DDI2: variants seen among roughly 807,000 people sequenced by gnomAD.
DDI2 encodes protein DDI1 homolog 2.
A neutral mutation model predicts 48.1 loss-of-function variants in DDI2; 5 were observed. The ratio of observed to expected loss-of-function variants is 0.10; its 90% CI spans 0.05 to 0.22. The LOEUF is 0.22. DDI2 is among the 10% of genes least tolerant of loss of function. DDI2 has a pLI of 1.00. For missense variants in DDI2, 285 were observed against 506.2 expected, an observed-to-expected ratio of 0.56 and a Z score of 4.19; for synonymous variants, 205 against 183.6, an observed-to-expected ratio of 1.12 and a Z score of -0.94.
intron 1 of DDI2, among the ~76,000 whole-genome samples, chr1:15,620,684 A>T (rs1639645259): frequency 6.6e-6 from 1 of 152,170 alleles, no homozygotes; most frequent in South Asian, 2.1e-4. Flanking sequence ...TGCTTCTGTT[A>T]TGTATATAAT....
At position 15,660,496 on chromosome 1, in the gene DDI2, G is replaced by A. The variant is rs1210344769; in HGVS notation, c.*706G>A. ...AAGGCAACAGAATCAACACAAAATT[G>A]TTGATTTGGAAGCTACGATGAAAGG... On this transcript the variant is annotated 3_prime_UTR_variant, in exon 10 of 10. Transcript: ENST00000480945. 3.7e-6 allele frequency: 6 copies of A among 1,613,882 alleles called. No homozygotes were observed. In the Admixed American group the frequency reaches 1.0e-4, roughly 27 times the overall value.
At chr1:15,653,596 G>T (rs1456539199) in intron 8 of DDI2, among the ~76,000 whole-genome samples, 1 of 151,938 alleles carries the variant, frequency 6.6e-6, no homozygotes, top group Non-Finnish European at 1.5e-5. Context: ...CTGTCACCCA[G>T]ACTGATCCTC....
At chr1:15,626,541 T>C in intron 1 of DDI2, 128 bp from the exon 2 acceptor site, 1 of 1,319,310 alleles carries the variant, frequency 7.6e-7, no homozygotes, top group South Asian at 1.4e-5. Flanking sequence ...TTGTTCTGGA[T>C]GTGGTGGGAA....
chr1:15,617,655 G>GAGCC lies in DDI2; in HGVS notation c.-16_-15insAGCC. On this transcript the variant is annotated 5_prime_UTR_variant, in exon 1 of 10. Coordinates refer to ENST00000480945, the MANE Select transcript of DDI2 (RefSeq NM_032341.5). ...AGGCCGGGCCGAGCCGAGCCGAGCC[G>GAGCC]GGTCGGGCCCGGGCCATGCTGCTCA... is the stretch of plus-strand genomic sequence containing the variant. 3.5e-6 allele frequency: 5 copies of GAGCC among 1,420,460 alleles called. No individual in the cohort carries two copies. Among genetic ancestry groups the GAGCC allele is most frequent in the Non-Finnish European group, 4.7e-6 (5 of 1,074,290 alleles). The allele number at this position is 1,420,460 out of a possible 1,614,324, so 88.0% of individuals were successfully genotyped here.
At chr1:15,651,995 G>T in intron 8 of DDI2, 100 bp downstream of exon 8, 1 of 1,146,616 alleles carries the variant, frequency 8.7e-7, no homozygotes, top group Non-Finnish European at 1.2e-6. Flanking sequence ...TTTTTAATTA[G>T]TCTCATGGTC....
At chr1:15,659,557 A>T (rs1640326721) in intron 9 of DDI2, among the ~76,000 whole-genome samples, 1 of 152,208 alleles carries the variant, frequency 6.6e-6, no homozygotes, top group South Asian at 2.1e-4. Context: ...ATTCCTGAGC[A>T]CTAACCCCGC....
In DDI2 at chr1:15,632,148, G is replaced by C. The variant is rs541478983; in HGVS notation, c.506-1291G>C. On this transcript the variant is annotated intron_variant, in intron 3 of 9. Coordinates refer to ENST00000480945, the MANE Select transcript of DDI2 (RefSeq NM_032341.5). ...AACTTAATGCTTTTTAGATCCATCT[G>C]TATTGTGTGCATTAGTAGTTCAGAT... Among the ~76,000 whole-genome samples, 14 of 152,290 alleles carry C rather than the reference G, an allele frequency of 9.2e-5. 1 individual carries two copies. The South Asian group carries it at 2.9e-3, about 32-fold the overall frequency.
In DDI2 at chr1:15,668,898, A is replaced by C. The variant is rs961311591; in HGVS notation, c.*9108A>C. 5.3e-5 allele frequency: 8 copies of C among 152,222 alleles called. No homozygotes were observed. Among genetic ancestry groups the C allele is most frequent in the African/African-American group, 1.9e-4 (8 of 41,464 alleles). 9.4% of individuals were successfully genotyped at this position (152,222 alleles called of 1,614,324 possible). ...AGTGAGCTAGATGCATTTGGGTTTG[A>C]ATTTTTGTCACATACTGAAATGTAA... On this transcript the variant is annotated 3_prime_UTR_variant, in exon 10 of 10. Coordinates refer to ENST00000480945, the MANE Select transcript of DDI2 (RefSeq NM_032341.5).
rs569443049 is a variant in DDI2 at position 15,667,519 on chromosome 1, G to A, written c.*7729G>A. The A allele has an allele frequency of 3.2e-4, 48 of 152,296 alleles. No homozygotes were observed. Among genetic ancestry groups the A allele is most frequent in the African/African-American group, 1.1e-3 (44 of 41,560 alleles). 9.4% of individuals were successfully genotyped at this position (152,296 alleles called of 1,614,324 possible). A position where few individuals can be genotyped will look rare whatever the true frequency, so the allele number is the denominator to read the frequency against. Reference sequence around the variant, plus strand: ...TCTGGGCTAGCACGACTTAGCAGAGGGTTCTGCAGGATGTGCTATTTTAAA... The same window carrying A: ...TCTGGGCTAGCACGACTTAGCAGAGAGTTCTGCAGGATGTGCTATTTTAAA... On this transcript the variant is annotated 3_prime_UTR_variant, in exon 10 of 10. Coordinates refer to ENST00000480945, the MANE Select transcript of DDI2 (RefSeq NM_032341.5).
Position 15,667,818 on chromosome 1 carries a change from G to A in DDI2, c.*8028G>A, listed in dbSNP as rs1640478228. 6.6e-6 allele frequency: 1 copy of A among 152,222 alleles called. No homozygotes were observed. Among genetic ancestry groups the A allele is most frequent in the Non-Finnish European group, 1.5e-5 (1 of 68,048 alleles). The allele number at this position is 152,222 out of a possible 1,614,324, so 9.4% of individuals were successfully genotyped here. On this transcript the variant is annotated 3_prime_UTR_variant, in exon 10 of 10. Transcript: ENST00000480945. ...ATGTTCTCAAAGGTTTATCAGTTAT[G>A]TATTGATGATTGGTAATCTAGACCC...
intron 4 of DDI2, among the ~76,000 whole-genome samples, chr1:15,635,851 A>T (rs1381415761): frequency 6.6e-6 from 1 of 152,224 alleles, no homozygotes; most frequent in Non-Finnish European, 1.5e-5. Flanking sequence ...GATGAAGTAT[A>T]CAATTAATTT....
intron 6 of DDI2, among the ~76,000 whole-genome samples, chr1:15,648,187 G>C (rs1221415790): frequency 2.6e-5 from 4 of 152,144 alleles, no homozygotes; most frequent in Non-Finnish European, 4.4e-5. Context: ...AGTTTTGCAG[G>C]AATACCATAA....
At chr1:15,656,385 T>A in intron 8 of DDI2, 1 of 1,392,200 alleles carries the variant, frequency 7.2e-7, no homozygotes, top group South Asian at 1.6e-5. Flanking sequence ...ATTAATTTCT[T>A]TACAAGATCT....
chr1:15,634,539 C>CTTTTTTTTTTTTTTTTTTTTTTTTT lies in DDI2; in HGVS notation c.632+985_632+986insTTTTTTTTTTTTTTTTTTTTTTTTT, dbSNP rs370728497. Among the ~76,000 whole-genome samples the CTTTTTTTTTTTTTTTTTTTTTTTTT allele has an allele frequency of 7.2e-4, 72 of 100,128 alleles. 10 individuals are homozygous for CTTTTTTTTTTTTTTTTTTTTTTTTT. Among genetic ancestry groups the CTTTTTTTTTTTTTTTTTTTTTTTTT allele is most frequent in the African/African-American group, 1.5e-3 (33 of 22,176 alleles). 65.7% of individuals were successfully genotyped at this position (100,128 alleles called of 152,430 possible). A position where few individuals can be genotyped will look rare whatever the true frequency, so the allele number is the denominator to read the frequency against. ...TTTTTAAACTTCTTATTCTTTTTAT[C>CTTTTTTTTTTTTTTTTTTTTTTTTT]TTTTTTTTTTTGAGACAAGGTCTCA... On this transcript the variant is annotated intron_variant, in intron 4 of 9. Coordinates refer to ENST00000480945, the MANE Select transcript of DDI2 (RefSeq NM_032341.5).
In DDI2 at chr1:15,661,601, A is replaced by T; in HGVS notation, c.*1811A>T. The T allele has an allele frequency of 6.2e-7, 1 of 1,614,092 alleles. No homozygotes were observed. The highest frequency in any genetic ancestry group is 8.5e-7 in the Non-Finnish European group (1 of 1,180,032). On this transcript the variant is annotated 3_prime_UTR_variant, in exon 10 of 10. Coordinates refer to ENST00000480945, the MANE Select transcript of DDI2 (RefSeq NM_032341.5). ...TTGATTTTTCCTGCCACAGATATTG[A>T]CCGCATTCTCCGTGCTGGCTTTACT... is the stretch of plus-strand genomic sequence containing the variant.
chr1:15,646,370 A>G (rs535240387), intron 6 of DDI2, among the ~76,000 whole-genome samples: 99 of 152,238 alleles, frequency 6.5e-4, no homozygotes, highest in African/African-American at 2.3e-3. Context: ...TGTGGTCTCT[A>G]CTATTATATT....
chr1:15,619,296 A>AT (rs1008398914), intron 1 of DDI2, among the ~76,000 whole-genome samples: 61 of 148,120 alleles, frequency 4.1e-4, no homozygotes, highest in Middle Eastern at 7.2e-3. Flanking sequence ...AATTTTTGTA[A>AT]TTTTTTTTTA....
At position 15,638,313 on chromosome 1, in the gene DDI2, G is replaced by C; in HGVS notation, c.639G>C (p.Gln213His). ...TGGTCTTGTTCTGTTACAGGCAACAGAACATTGAGGAAAACATGACAATAG... is the reference window on the plus strand; with the variant it reads ...TGGTCTTGTTCTGTTACAGGCAACACAACATTGAGGAAAACATGACAATAG... ...QAKIEEDIRQ[Q>H]NIEENMTIAM... The change falls in exon 5 of 10, where the codon CAG becomes CAC. Residue 213 changes from glutamine (Q) to histidine (H), a missense_variant. This residue lies in a region of DDI2 where 70 missense variants were observed against 182.3 expected (regional missense o/e 0.38). Coordinates refer to ENST00000480945, the MANE Select transcript of DDI2 (RefSeq NM_032341.5). 1 of 1,613,826 alleles carries C rather than the reference G, an allele frequency of 6.2e-7. No homozygotes were observed.
intron 4 of DDI2, among the ~76,000 whole-genome samples, chr1:15,635,111 C>T (rs1186420319): frequency 6.6e-6 from 1 of 151,980 alleles, no homozygotes; most frequent in Non-Finnish European, 1.5e-5. Context: ...CACCTGCAGT[C>T]CCAGCTACTC....
Sources: allele counts gnomAD v4.1 joint callset (sites outside exome capture counted in the v4.1 genomes callset), GRCh38; gene constraint gnomAD v4.1.1; regional missense constraint gnomAD v4.1.1; transcripts MANE v1.5; gene names NCBI Gene and HGNC (gene_info 2026-07-23, HGNC 2026-07-21).